The following PCCB variants were observed in gnomAD, a reference collection of about 807,000 sequenced individuals.
PCCB encodes propionyl-CoA carboxylase subunit beta.
PCCB carries 43 observed loss-of-function variants against 60.7 expected under a neutral mutation model. The ratio of observed to expected loss-of-function variants is 0.71; its 90% CI spans 0.55 to 0.91. The LOEUF (loss-of-function observed/expected upper bound fraction) is 0.91. Ranked by LOEUF, PCCB falls within the 40% of genes least tolerant of loss-of-function variation. The pLI, the probability that PCCB is intolerant of heterozygous loss-of-function variation, is 0.00. For missense variants in PCCB, 766 were observed against 702.8 expected (o/e 1.09, Z -1.02); for synonymous variants, 276 against 255.9 (o/e 1.08, Z -0.75).
At chr3:136,291,601 G>C (rs532344018) in intron 6 of PCCB, among the ~76,000 whole-genome samples, 1 of 152,274 alleles carries the variant, frequency 6.6e-6, no homozygotes, top group South Asian at 2.1e-4. Context: ...ACGGTGGCTA[G>C]AGCGGGTTGG....
intron 9 of PCCB, among the ~76,000 whole-genome samples, chr3:136,309,890 G>C (rs1324603466): frequency 6.6e-6 from 1 of 152,040 alleles, no homozygotes; most frequent in African/African-American, 2.4e-5. Flanking sequence ...ATCAGAGATA[G>C]GAAGCTTAAA....
intron 10 of PCCB, among the ~76,000 whole-genome samples, chr3:136,325,642 C>T (rs1356421745): frequency 1.3e-5 from 2 of 152,142 alleles, no homozygotes; most frequent in East Asian, 3.8e-4. Flanking sequence ...CAGGTGTGAG[C>T]CACTGTGCCG....
rs533887723 is a variant in PCCB at position 136,255,988 on chromosome 3, A to G, written c.303+13A>G. 1 of 1,614,174 alleles carries G rather than the reference A, an allele frequency of 6.2e-7. No homozygotes were observed. The highest frequency in any genetic ancestry group is 1.3e-5 in the African/African-American group (1 of 75,070). ...TGATAAGAATAAGGTATTTGTTCAAATGGTGGTGTGAACACTTTTTAGGTG... is the reference window on the plus strand; with the variant it reads ...TGATAAGAATAAGGTATTTGTTCAAGTGGTGGTGTGAACACTTTTTAGGTG... On this transcript the variant is annotated intron_variant, in intron 2 of 14. Transcript: ENST00000251654.
intron 6 of PCCB, among the ~76,000 whole-genome samples, chr3:136,286,987 C>T (rs930277807): frequency 2.6e-5 from 4 of 150,960 alleles, no homozygotes; most frequent in East Asian, 3.9e-4. Context: ...ACCAAGATCG[C>T]GCCACTGCAC....
At chr3:136,264,440 G>GTGTGTGTGTATATATATATATA in intron 5 of PCCB, among the ~76,000 whole-genome samples, 1 of 123,782 alleles carries the variant, frequency 8.1e-6, no homozygotes, top group African/African-American at 3.0e-5. Context: ...ATGTGTGTGT[G>GTGTGTGTGTATATATATATATA]TATATATGTA....
At chr3:136,327,569 G>C in intron 12 of PCCB, 65 bp from the exon 13 acceptor site, 1 of 1,241,072 alleles carries the variant, frequency 8.1e-7, no homozygotes, top group South Asian at 1.2e-5. Context: ...TGGTTTCCTG[G>C]GGTCTTTCAG....
In PCCB at chr3:136,329,958, G is replaced by A. The variant is rs779731499; in HGVS notation, c.1552G>A (p.Asp518Asn). 2.5e-6 allele frequency: 4 copies of A among 1,614,170 alleles called. No individual in the cohort carries two copies. Among genetic ancestry groups the A allele is most frequent in the Non-Finnish European group, 3.4e-6 (4 of 1,180,014 alleles). ...PSSTRARICCDLDVLASKKVQ... is the reference protein window; with the variant it reads ...PSSTRARICCNLDVLASKKVQ... Reference sequence around the variant, plus strand: ...TTCCACACGTGCCCGAATCTGCTGTGACCTGGATGTCTTGGCCAGCAAGAA... The same window carrying A: ...TTCCACACGTGCCCGAATCTGCTGTAACCTGGATGTCTTGGCCAGCAAGAA... Residue 518 changes from aspartate to asparagine, a missense_variant, in exon 15 of 15, where the codon GAC becomes AAC. By Grantham distance (23) the Asp-to-Asn change is conservative. Transcript: ENST00000251654.
intron 3 of PCCB, chr3:136,260,109 T>G (rs766853980): frequency 2.7e-6 from 1 of 364,722 alleles, no homozygotes; most frequent in Non-Finnish European, 5.2e-6. Flanking sequence ...GGTCTTGCTC[T>G]GTTGCATAGG....
intron 5 of PCCB, among the ~76,000 whole-genome samples, chr3:136,283,531 G>T (rs1942533167): frequency 6.6e-6 from 1 of 152,090 alleles, no homozygotes; most frequent in African/African-American, 2.4e-5. Context: ...TTGGAGCTGT[G>T]GTGAGGATGG....
Position 136,262,528 on chromosome 3 carries a change from T to C in PCCB, c.543+463T>C, listed in dbSNP as rs1941854511. Among the ~76,000 whole-genome samples the C allele has an allele frequency of 2.0e-5, 3 of 152,242 alleles. No individual in the cohort carries two copies. In the South Asian group the frequency reaches 6.2e-4, roughly 32 times the overall value. ...CCCCAGATCCTACCATTCAGAAACA[T>C]TTGGCGAACCTCATTACTGATATCT... On this transcript the variant is annotated intron_variant, in intron 5 of 14. Coordinates refer to ENST00000251654, the MANE Select transcript of PCCB (RefSeq NM_000532.5).
At chr3:136,327,567 TG>T (rs1935369434) in intron 12 of PCCB, 66 bp from the exon 13 acceptor site, 3 of 1,234,360 alleles carry the variant, frequency 2.4e-6, no homozygotes, top group Non-Finnish European at 3.6e-6. Flanking sequence ...CCTGGTTTCC[TG>T]GGGTCTTTCA....
chr3:136,301,196 A>G, intron 9 of PCCB, 85 bp downstream of exon 9: 1 of 1,065,712 alleles, frequency 9.4e-7, no homozygotes. Flanking sequence ...GAAGCACTGG[A>G]CCACTTGGCC....
chr3:136,261,772 T>TGGTC (rs1941832813), intron 4 of PCCB, among the ~76,000 whole-genome samples, 180 bp from the exon 5 acceptor site: 3 of 152,232 alleles, frequency 2.0e-5, no homozygotes, highest in Admixed American at 6.5e-5. Flanking sequence ...CTATTAAATA[T>TGGTC]CTGGTCCTTT....
intron 5 of PCCB, among the ~76,000 whole-genome samples, chr3:136,272,220 A>G (rs945351773): frequency 2.0e-5 from 3 of 152,068 alleles, no homozygotes; most frequent in African/African-American, 7.2e-5. Context: ...TCACTTGATC[A>G]TGTTGTATTA....
At chr3:136,310,814 T>C (rs1279315282) in intron 9 of PCCB, among the ~76,000 whole-genome samples, 2 of 152,114 alleles carry the variant, frequency 1.3e-5, no homozygotes, top group African/African-American at 2.4e-5. Context: ...ATATACTGTA[T>C]TAACACATAT....
At chr3:136,259,837 C>T (rs1053169367) in intron 3 of PCCB, among the ~76,000 whole-genome samples, 2 of 152,096 alleles carry the variant, frequency 1.3e-5, no homozygotes, top group African/African-American at 4.8e-5. Flanking sequence ...ACTGCAGCCT[C>T]CGCCTCTTGG....
At chr3:136,289,584 C>T (rs541300895) in intron 6 of PCCB, among the ~76,000 whole-genome samples, 4 of 152,068 alleles carry the variant, frequency 2.6e-5, no homozygotes, top group Non-Finnish European at 4.4e-5. Flanking sequence ...TTGATCTAGT[C>T]TGACAATCCG....
At chr3:136,259,238 G>A (rs1428751834) in intron 3 of PCCB, 5 of 1,036,828 alleles carry the variant, frequency 4.8e-6, no homozygotes, top group Non-Finnish European at 6.5e-6. Context: ...AGGCCGAGGT[G>A]GGTAGATCAC....
intron 8 of PCCB, among the ~76,000 whole-genome samples, chr3:136,300,082 A>G (rs970669545): frequency 5.4e-5 from 8 of 147,092 alleles, no homozygotes; most frequent in African/African-American, 1.9e-4. Flanking sequence ...ATATGCATAT[A>G]CGCATATCTA....
Sources: gnomAD v4.1 joint callset for allele counts (sites outside exome capture counted in the v4.1 genomes callset) on GRCh38, gnomAD v4.1.1 for gene constraint, MANE v1.5 for transcripts, NCBI Gene and HGNC (gene_info 2026-07-23, HGNC 2026-07-21) for gene names.